Variants in APLF observed in about 807,000 individuals in gnomAD.
APLF encodes aprataxin and PNK-like factor.
Under a neutral mutation model 55.6 loss-of-function variants are expected in APLF, and 61 were observed. The ratio of observed to expected loss-of-function variants is 1.10; its 90% confidence interval spans 0.89 to 1.36. The LOEUF (loss-of-function observed/expected upper bound fraction) is 1.36. Among genes scored for constraint, APLF ranks in the 40% most tolerant of loss-of-function variants. The pLI is 0.00. For missense variants in APLF, 611 were observed against 602.5 expected, an observed-to-expected ratio of 1.01 and a Z score of -0.15; for synonymous variants, 207 against 214.8, an observed-to-expected ratio of 0.96 and a Z score of 0.32.
intron 2 of APLF, among the ~76,000 whole-genome samples, chr2:68,499,351 A>G (rs991687697): frequency 6.6e-6 from 1 of 152,188 alleles, no homozygotes; most frequent in African/African-American, 2.4e-5. Flanking sequence ...TGCTTTTAGA[A>G]TCAAAGTTAA....
chr2:68,502,908 G>A lies in APLF; in HGVS notation c.341+5G>A. On this transcript the variant is annotated splice_donor_5th_base_variant and intron_variant, in intron 3 of 9. Coordinates refer to ENST00000303795, the MANE Select transcript of APLF (RefSeq NM_173545.3). ...GGAAATGCAATGTACCTTAAGGTAA[G>A]TGCCTGATGAAATGAGAGTAAGAAT... 1 of 1,596,216 alleles carries A rather than the reference G, an allele frequency of 6.3e-7. No homozygotes were observed. Among genetic ancestry groups the A allele is most frequent in the East Asian group, 2.3e-5 (1 of 44,024 alleles).
chr2:68,518,974 C>T (rs1241353686), intron 5 of APLF, among the ~76,000 whole-genome samples: 5 of 107,318 alleles, frequency 4.7e-5, no homozygotes, highest in African/African-American at 1.2e-4. Context: ...TAATAATATG[C>T]TATTAATATA....
intron 5 of APLF, 121 bp downstream of exon 5, chr2:68,513,801 ATAGCC>A: frequency 8.6e-7 from 1 of 1,158,814 alleles, no homozygotes; most frequent in Non-Finnish European, 1.2e-6. Context: ...GTGTAAGTGT[ATAGCC>A]TAGCCTAGTT....
chr2:68,501,007 ACTC>A lies in APLF; in HGVS notation c.169-1723_169-1721del, dbSNP rs781674919. 8.7e-4 allele frequency among the ~76,000 whole-genome samples: 132 copies of A among 152,030 alleles called. 2 individuals carry two copies. Among genetic ancestry groups the A allele is most frequent in the South Asian group, 3.3e-3 (16 of 4,826 alleles). On this transcript the variant is annotated intron_variant, in intron 2 of 9. Coordinates refer to ENST00000303795, the MANE Select transcript of APLF (RefSeq NM_173545.3). Reference sequence around the variant, plus strand: ...TGAATTTAAAAATCAAACATTCACTACTCTTTTTAGGAATACAATATTGCATAA... The same window carrying A: ...TGAATTTAAAAATCAAACATTCACTATTTTTAGGAATACAATATTGCATAA...
At chr2:68,531,054 A>G (rs1670240179) in intron 6 of APLF, among the ~76,000 whole-genome samples, 1 of 152,298 alleles carries the variant, frequency 6.6e-6, no homozygotes, top group South Asian at 2.1e-4. Context: ...GATAATTCTT[A>G]AGAGCCTATT....
intron 7 of APLF, among the ~76,000 whole-genome samples, chr2:68,544,275 G>A (rs996245640): frequency 1.3e-5 from 2 of 151,922 alleles, no homozygotes; most frequent in South Asian, 2.1e-4. Context: ...CACCACAGCC[G>A]ACCCAAAAGT....
chr2:68,548,437 C>A (rs1670766220), intron 8 of APLF, among the ~76,000 whole-genome samples: 1 of 151,476 alleles, frequency 6.6e-6, no homozygotes, highest in Non-Finnish European at 1.5e-5. Context: ...GCCTTTTTGC[C>A]CAAAAGGAAA....
chr2:68,535,551 A>G (rs994418980), intron 6 of APLF, among the ~76,000 whole-genome samples: 2 of 150,558 alleles, frequency 1.3e-5, no homozygotes, highest in African/African-American at 2.4e-5. Flanking sequence ...TCTGCATAGT[A>G]TTTCATAGTA....
chr2:68,551,073 C>T (rs940695329), intron 8 of APLF, among the ~76,000 whole-genome samples: 1 of 151,956 alleles, frequency 6.6e-6, no homozygotes, highest in Non-Finnish European at 1.5e-5. Context: ...TTTTGTGTGT[C>T]TGAAAGTGTT....
intron 2 of APLF, among the ~76,000 whole-genome samples, chr2:68,493,439 C>G (rs950353396): frequency 6.6e-6 from 1 of 152,022 alleles, no homozygotes; most frequent in Non-Finnish European, 1.5e-5. Flanking sequence ...ACCCTTATGA[C>G]TTTAGAGTAG....
intron 1 of APLF, among the ~76,000 whole-genome samples, 187 bp from the exon 2 acceptor site, chr2:68,490,003 G>GT (rs1315883484): frequency 6.6e-6 from 1 of 151,810 alleles, no homozygotes; most frequent in Non-Finnish European, 1.5e-5. Flanking sequence ...CTTTGGGCAG[G>GT]TTTTTTTAAT....
intron 9 of APLF, among the ~76,000 whole-genome samples, chr2:68,568,551 TA>T (rs2104071075): frequency 6.6e-6 from 1 of 152,270 alleles, no homozygotes; most frequent in Admixed American, 6.6e-5. Flanking sequence ...GGTAGTTTAA[TA>T]AAGTCTTCCT....
At position 68,491,015 on chromosome 2, in the gene APLF, T is replaced by C. The variant is rs1676342064; in HGVS notation, c.168+754T>C. On this transcript the variant is annotated intron_variant, in intron 2 of 9. Coordinates refer to ENST00000303795, the MANE Select transcript of APLF (RefSeq NM_173545.3). Reference sequence around the variant, plus strand: ...CTGTTAAATCATTAGTTCTTTCTTTTACACAGATAGTACTTGCTTTTATTA... The same window carrying C: ...CTGTTAAATCATTAGTTCTTTCTTTCACACAGATAGTACTTGCTTTTATTA... 2.0e-5 allele frequency among the ~76,000 whole-genome samples: 3 copies of C among 152,356 alleles called. No homozygotes were observed. In the South Asian group the frequency reaches 6.2e-4, roughly 32 times the overall value.
At position 68,501,276 on chromosome 2, in the gene APLF, TC is replaced by T. The variant is rs1678842778; in HGVS notation, c.169-1454del. On this transcript the variant is annotated intron_variant, in intron 2 of 9. Transcript: ENST00000303795. The stretch of plus-strand genomic sequence containing the variant: ...TATTCATTCTGTCTTCAAAGATGTG[TC>T]TTTTTTGTGGTTGTTATTGCTCAGC... Among the ~76,000 whole-genome samples the T allele has an allele frequency of 2.0e-5, 3 of 152,204 alleles. No individual in the cohort carries two copies. In the South Asian group the frequency reaches 6.2e-4, roughly 31 times the overall value.
intron 6 of APLF, chr2:68,528,592 G>A (rs1670151321): frequency 4.6e-6 from 7 of 1,533,874 alleles, no homozygotes; most frequent in Admixed American, 2.0e-5. Context: ...CCGTCAGCAA[G>A]CCTGGAGAGC....
At position 68,538,210 on chromosome 2, in the gene APLF, T is replaced by C; in HGVS notation, c.1143T>C (p.Tyr381=). Residue 381 remains tyrosine (Y), a synonymous_variant, in exon 7 of 10, where the codon TAT becomes TAC. Coordinates refer to ENST00000303795, the MANE Select transcript of APLF (RefSeq NM_173545.3). Reference sequence around the variant, plus strand: ...AGGTCAAGAGGACATCCTGCATGTATGGGGCAAACTGCTATAGGTAAAATG... The same window carrying C: ...AGGTCAAGAGGACATCCTGCATGTACGGGGCAAACTGCTATAGGTAAAATG... ...GNKVKRTSCM[Y]GANCYRKNPV... 3.7e-6 allele frequency: 6 copies of C among 1,603,216 alleles called. No homozygotes were observed. The highest frequency in any genetic ancestry group is 5.1e-6 in the Non-Finnish European group (6 of 1,176,510).
chr2:68,576,563 T>G (rs1224729365), intron 9 of APLF, among the ~76,000 whole-genome samples: 2 of 152,160 alleles, frequency 1.3e-5, no homozygotes, highest in African/African-American at 2.4e-5. Flanking sequence ...ATATGTGTAT[T>G]CTGCTTTTTA....
At chr2:68,484,234 A>G (rs570024852) in intron 1 of APLF, among the ~76,000 whole-genome samples, 1 of 152,276 alleles carries the variant, frequency 6.6e-6, no homozygotes, top group South Asian at 2.1e-4. Flanking sequence ...TAATCTTCAT[A>G]TCTTAAAACT....
intron 5 of APLF, among the ~76,000 whole-genome samples, chr2:68,518,886 A>G (rs1413858774): frequency 1.7e-4 from 21 of 126,146 alleles, no homozygotes; most frequent in African/African-American, 6.6e-4. Context: ...TAAAATATTA[A>G]TATTATATCA....
Sources: allele counts gnomAD v4.1 joint callset (sites outside exome capture counted in the v4.1 genomes callset), GRCh38; gene constraint gnomAD v4.1.1; transcripts MANE v1.5; gene names NCBI Gene and HGNC (gene_info 2026-07-23, HGNC 2026-07-21).